MTMR14: variants seen among roughly 807,000 people sequenced by gnomAD.
The protein encoded by MTMR14 is myotubularin related protein 14, also known as phosphatidylinositol-3,5-bisphosphate 3-phosphatase MTMR14.
A neutral mutation model predicts 86.3 loss-of-function variants in MTMR14; 48 were observed. That is an observed-to-expected ratio of 0.56 (90% confidence interval 0.44 to 0.71). The LOEUF (loss-of-function observed/expected upper bound fraction) is 0.71. MTMR14 is among the 30% of genes least tolerant of loss of function. MTMR14 has a pLI of 0.00. For synonymous variants in MTMR14, 366 were observed against 326.1 expected, an observed-to-expected ratio of 1.12 and a Z score of -1.32; for missense variants, 780 against 834.6, an observed-to-expected ratio of 0.93 and a Z score of 0.81.
At chr3:9,689,116 A>T (rs2076058703) in intron 16 of MTMR14, 34 bp downstream of exon 16, 1 of 1,603,992 alleles carries the variant, frequency 6.2e-7, no homozygotes, top group Non-Finnish European at 8.5e-7. Flanking sequence ...GGTCACTCAC[A>T]GCTGTGGCCC....
chr3:9,698,963 G>A (rs573334088), intron 18 of MTMR14, among the ~76,000 whole-genome samples: 1 of 152,238 alleles, frequency 6.6e-6, no homozygotes, highest in African/African-American at 2.4e-5. Context: ...AAGGTTGGGA[G>A]TTCGAGACCA....
At chr3:9,652,743 C>T (rs2047374233) in intron 1 of MTMR14, among the ~76,000 whole-genome samples, 1 of 151,396 alleles carries the variant, frequency 6.6e-6, no homozygotes. Flanking sequence ...TGGTGGCTCA[C>T]ACCTGGGAGG....
chr3:9,654,870 C>T (rs1473950182), intron 2 of MTMR14, among the ~76,000 whole-genome samples: 2 of 152,164 alleles, frequency 1.3e-5, no homozygotes, highest in Admixed American at 1.3e-4. Flanking sequence ...GAAGTGCTGC[C>T]GTAGGCCAAC....
At chr3:9,685,148 C>T (rs2075896000) in intron 12 of MTMR14, 63 bp from the exon 13 acceptor site, 1 of 1,607,874 alleles carries the variant, frequency 6.2e-7, no homozygotes, top group Non-Finnish European at 8.5e-7. Flanking sequence ...TCTGGTGACC[C>T]TGTCCTCTTG....
intron 1 of MTMR14, 76 bp from the exon 2 acceptor site, chr3:9,653,545 T>C: frequency 6.3e-7 from 1 of 1,590,678 alleles, no homozygotes; most frequent in South Asian, 1.1e-5. Context: ...AGTGACCTCT[T>C]AGGCCATGGA....
chr3:9,670,730 G>A (rs2048522312), intron 5 of MTMR14, among the ~76,000 whole-genome samples: 1 of 152,212 alleles, frequency 6.6e-6, no homozygotes, highest in Non-Finnish European at 1.5e-5. Flanking sequence ...CCACCAGCCT[G>A]CTGCATTTTA....
At chr3:9,689,899 G>C in intron 16 of MTMR14, 65 bp from the exon 17 acceptor site, 1 of 1,498,316 alleles carries the variant, frequency 6.7e-7, no homozygotes, top group Admixed American at 1.9e-5. Flanking sequence ...GAAATTCAGT[G>C]AGGGTGGGCA....
intron 2 of MTMR14, among the ~76,000 whole-genome samples, chr3:9,655,259 C>T (rs540387432): frequency 1.8e-4 from 27 of 151,496 alleles, no homozygotes; most frequent in African/African-American, 5.8e-4. Flanking sequence ...CCCAGCTACT[C>T]GGGTGGCTGA....
At chr3:9,699,327 G>A (rs868013440) in intron 18 of MTMR14, 1 of 152,154 alleles carries the variant, frequency 6.6e-6, no homozygotes, top group South Asian at 2.1e-4. Flanking sequence ...TCCAGCCCCA[G>A]ATCACCCACC....
intron 13 of MTMR14, among the ~76,000 whole-genome samples, chr3:9,687,284 G>T (rs973321522): frequency 6.6e-6 from 1 of 152,166 alleles, no homozygotes; most frequent in East Asian, 1.9e-4. Flanking sequence ...GGCTGGGCAC[G>T]GTGGTTGACG....
intron 7 of MTMR14, among the ~76,000 whole-genome samples, chr3:9,676,501 G>A (rs1271510981): frequency 6.6e-6 from 1 of 152,244 alleles, no homozygotes; most frequent in African/African-American, 2.4e-5. Flanking sequence ...ATAGTGTGCT[G>A]CCATTTGAGT....
intron 13 of MTMR14, 148 bp from the exon 14 acceptor site, chr3:9,687,673 A>G: frequency 1.4e-6 from 1 of 706,668 alleles, no homozygotes; most frequent in Admixed American, 2.0e-5. Flanking sequence ...TGTACCACCC[A>G]CACCATTTAT....
chr3:9,652,342 A>C (rs1241753299), intron 1 of MTMR14, among the ~76,000 whole-genome samples: 2 of 152,190 alleles, frequency 1.3e-5, no homozygotes, highest in African/African-American at 4.8e-5. Context: ...TGATCAAAAT[A>C]AGTAATTTTA....
chr3:9,650,775 C>T (rs2124888602), intron 1 of MTMR14, among the ~76,000 whole-genome samples: 1 of 150,966 alleles, frequency 6.6e-6, no homozygotes. Context: ...GGGTGGGATC[C>T]TGGAATTTGC....
chr3:9,693,186 A>C (rs1275152584), intron 17 of MTMR14, among the ~76,000 whole-genome samples: 1 of 152,252 alleles, frequency 6.6e-6, no homozygotes, highest in Non-Finnish European at 1.5e-5. Flanking sequence ...TGTCGTTTCC[A>C]CATCCATGAT....
intron 12 of MTMR14, 47 bp from the exon 13 acceptor site, chr3:9,685,164 G>A (rs1480267494): frequency 2.5e-6 from 4 of 1,613,750 alleles, no homozygotes; most frequent in African/African-American, 2.7e-5. Flanking sequence ...TCTTGGCCTT[G>A]TCATCTTGGT....
intron 17 of MTMR14, among the ~76,000 whole-genome samples, chr3:9,694,432 A>G (rs902995482): frequency 3.9e-5 from 6 of 152,224 alleles, no homozygotes; most frequent in African/African-American, 1.4e-4. Context: ...GTTTGAACCC[A>G]GGAATTCAAG....
intron 3 of MTMR14, among the ~76,000 whole-genome samples, chr3:9,663,333 G>A (rs1276210428): frequency 6.6e-6 from 1 of 151,976 alleles, no homozygotes; most frequent in African/African-American, 2.4e-5. Context: ...GAGGAGGAAG[G>A]AAGGGAGACT....
At chr3:9,668,957 G>A (rs1403949096) in intron 4 of MTMR14, among the ~76,000 whole-genome samples, 163 bp downstream of exon 4, 1 of 152,034 alleles carries the variant, frequency 6.6e-6, no homozygotes, top group African/African-American at 2.4e-5. Context: ...GGCTAACACG[G>A]TGAAACCCCA....
Sources: allele counts gnomAD v4.1 joint callset (sites outside exome capture counted in the v4.1 genomes callset), GRCh38; gene constraint gnomAD v4.1.1; transcripts MANE v1.5; gene names NCBI Gene and HGNC (gene_info 2026-07-23, HGNC 2026-07-21).